The following MEI4 variants were observed in gnomAD, a reference collection of about 807,000 sequenced individuals.
The protein encoded by MEI4 is meiosis-specific protein MEI4.
A neutral mutation model predicts 31.4 loss-of-function variants in MEI4; 27 were observed. The observed-to-expected ratio is 0.86, with a 90% confidence interval of 0.63 to 1.19. MEI4 has a LOEUF of 1.19. Ranked by LOEUF, MEI4 falls within the 50% of genes most tolerant of loss-of-function variation. The pLI is 0.00. For missense variants in MEI4, 329 were observed against 398.9 expected, an observed-to-expected ratio of 0.82 and a Z score of 1.49; for synonymous variants, 122 against 145.4, an observed-to-expected ratio of 0.84 and a Z score of 1.16.
At chr6:77,676,733 T>C (rs1053841702) in intron 1 of MEI4, among the ~76,000 whole-genome samples, 1 of 152,188 alleles carries the variant, frequency 6.6e-6, no homozygotes, top group Non-Finnish European at 1.5e-5. Flanking sequence ...CCTATGAGTG[T>C]CATCCTCTGT....
At chr6:77,860,240 A>T (rs1312141497) in intron 4 of MEI4, among the ~76,000 whole-genome samples, 1 of 152,158 alleles carries the variant, frequency 6.6e-6, no homozygotes, top group African/African-American at 2.4e-5. Context: ...TGATTTTCTA[A>T]AAGTGATTGT....
intron 1 of MEI4, among the ~76,000 whole-genome samples, chr6:77,689,484 T>A (rs952844175): frequency 7.2e-5 from 11 of 151,974 alleles, no homozygotes; most frequent in African/African-American, 2.7e-4. Flanking sequence ...AATTACAGGA[T>A]ATCAGATAGT....
At chr6:77,919,311 A>G (rs1478182193) in intron 4 of MEI4, among the ~76,000 whole-genome samples, 17 of 152,140 alleles carry the variant, frequency 1.1e-4, no homozygotes, top group Middle Eastern at 3.4e-3. Flanking sequence ...TCAGACCACA[A>G]TGCAATCAAA....
Position 77,802,537 on chromosome 6 carries a change from C to T in MEI4, c.769-26394C>T, listed in dbSNP as rs1385768829. On this transcript the variant is annotated intron_variant, in intron 3 of 4. Coordinates refer to ENST00000684080, the MANE Select transcript of MEI4 (RefSeq NM_001322247.2). ...TATGATGCTAGCTGGTTATTTTGCT[C>T]GTTAGTTGATGAAGTTTCTTCCTAG... Among the ~76,000 whole-genome samples the T allele has an allele frequency of 3.3e-5, 5 of 152,182 alleles. No individual in the cohort carries two copies. In the East Asian group the frequency reaches 5.8e-4, roughly 18 times the overall value.
intron 2 of MEI4, among the ~76,000 whole-genome samples, chr6:77,693,176 A>G: frequency 6.6e-6 from 1 of 152,082 alleles, no homozygotes; most frequent in Middle Eastern, 3.2e-3. Context: ...AGTATTACAC[A>G]ATTTACAGCC....
intron 4 of MEI4, among the ~76,000 whole-genome samples, chr6:77,844,010 G>T (rs1375136303): frequency 6.6e-6 from 1 of 152,042 alleles, no homozygotes; most frequent in Non-Finnish European, 1.5e-5. Context: ...TGGTGGTTAA[G>T]TATAGGTATT....
intron 4 of MEI4, among the ~76,000 whole-genome samples, chr6:77,887,334 C>T (rs1581953036): frequency 6.6e-6 from 1 of 151,850 alleles, no homozygotes; most frequent in Middle Eastern, 3.4e-3. Context: ...TTTTGTCGCC[C>T]AGGTTGGAGT....
intron 2 of MEI4, among the ~76,000 whole-genome samples, chr6:77,691,516 A>C (rs1370225687): frequency 6.6e-6 from 1 of 152,038 alleles, no homozygotes; most frequent in African/African-American, 2.4e-5. Flanking sequence ...AGCGTGTGCA[A>C]AGGCACTGGA....
chr6:77,909,969 C>T (rs1766393743), intron 4 of MEI4, among the ~76,000 whole-genome samples: 1 of 152,144 alleles, frequency 6.6e-6, no homozygotes, highest in Non-Finnish European at 1.5e-5. Flanking sequence ...ACATGATTAT[C>T]TCAATAGATG....
intron 3 of MEI4, among the ~76,000 whole-genome samples, chr6:77,775,257 C>T (rs371304736): frequency 7.2e-5 from 11 of 152,148 alleles, no homozygotes; most frequent in African/African-American, 2.7e-4. Flanking sequence ...GTTCTTTAGT[C>T]GTCATTTCTG....
chr6:77,650,894 CTG>C (rs1354533527), upstream of MEI4, among the ~76,000 whole-genome samples: 1 of 152,144 alleles, frequency 6.6e-6, no homozygotes, highest in Non-Finnish European at 1.5e-5. Context: ...GAAGAGAGGC[CTG>C]TGTTTTGAGG....
At chr6:77,786,597 C>A (rs1300618298) in intron 3 of MEI4, among the ~76,000 whole-genome samples, 2 of 151,786 alleles carry the variant, frequency 1.3e-5, no homozygotes, top group African/African-American at 2.4e-5. Context: ...AGTAATAAGG[C>A]TTAGAAGGGG....
chr6:77,659,567 T>A (rs1225011544), intron 1 of MEI4, among the ~76,000 whole-genome samples: 1 of 152,166 alleles, frequency 6.6e-6, no homozygotes, highest in Non-Finnish European at 1.5e-5. Context: ...ACGAGCAACC[T>A]TTCACTGTTA....
intron 4 of MEI4, among the ~76,000 whole-genome samples, chr6:77,901,785 C>T (rs990391740): frequency 6.6e-6 from 1 of 152,004 alleles, no homozygotes; most frequent in Non-Finnish European, 1.5e-5. Flanking sequence ...AAAATAATTG[C>T]CAAGACCAAT....
At chr6:77,732,424 A>C (rs181194020) in intron 2 of MEI4, among the ~76,000 whole-genome samples, 2,043 of 151,866 alleles carry the variant, frequency 0.013, 67 homozygotes, top group African/African-American at 0.043. Context: ...ATTTGGCTCT[A>C]TGTTTGTCTG....
chr6:77,841,333 A>ATATATATATATATATATATATAT, intron 4 of MEI4, among the ~76,000 whole-genome samples: 1 of 27,748 alleles, frequency 3.6e-5, no homozygotes, highest in African/African-American at 3.3e-4. Context: ...ATATATATAT[A>ATATATATATATATATATATATAT]TTTTTTTTTT....
intron 2 of MEI4, among the ~76,000 whole-genome samples, chr6:77,743,708 G>T (rs1335645414): frequency 6.6e-6 from 1 of 152,186 alleles, no homozygotes; most frequent in African/African-American, 2.4e-5. Context: ...GCCTAACTGG[G>T]AGGCACCCCC....
chr6:77,701,470 C>T (rs1009450727), intron 2 of MEI4, among the ~76,000 whole-genome samples: 7 of 152,104 alleles, frequency 4.6e-5, no homozygotes, highest in Admixed American at 6.5e-5. Context: ...TTATATTACA[C>T]GGTCATTTGA....
chr6:77,808,890 C>T (rs1769505046), intron 3 of MEI4, among the ~76,000 whole-genome samples: 2 of 152,112 alleles, frequency 1.3e-5, no homozygotes, highest in Non-Finnish European at 2.9e-5. Context: ...GACACCAGGT[C>T]ATTATACTCC....
Sources: gnomAD v4.1 joint callset for allele counts (sites outside exome capture counted in the v4.1 genomes callset) on GRCh38, gnomAD v4.1.1 for gene constraint, MANE v1.5 for transcripts, NCBI Gene and HGNC (gene_info 2026-07-23, HGNC 2026-07-21) for gene names.